The following PCCA variants were observed in gnomAD, a reference collection of about 807,000 sequenced individuals.
The protein encoded by PCCA is propionyl-CoA carboxylase subunit alpha.
In PCCA, 74 loss-of-function variants were observed where a neutral mutation model predicts 101.3. The observed-to-expected ratio is 0.73, with a 90% confidence interval of 0.61 to 0.89. The LOEUF (loss-of-function observed/expected upper bound fraction) is 0.89. Among genes scored for constraint, PCCA ranks in the 40% least tolerant of loss-of-function variants. The pLI is 0.00. For synonymous variants in PCCA, 294 were observed against 313.6 expected, an observed-to-expected ratio of 0.94 and a Z score of 0.66; for missense variants, 891 against 907.0, an observed-to-expected ratio of 0.98 and a Z score of 0.23.
At chr13:100,446,413 C>A (rs908902644) in intron 20 of PCCA, among the ~76,000 whole-genome samples, 2 of 152,194 alleles carry the variant, frequency 1.3e-5, no homozygotes, top group African/African-American at 4.8e-5. Flanking sequence ...CTCATTTAGT[C>A]GGTCTGTCCT....
At chr13:100,160,222 G>A (rs1436801804) in intron 6 of PCCA, among the ~76,000 whole-genome samples, 1 of 152,118 alleles carries the variant, frequency 6.6e-6, no homozygotes, top group Non-Finnish European at 1.5e-5. Context: ...GATCATGTGG[G>A]CCGGGCGCGG....
intron 7 of PCCA, among the ~76,000 whole-genome samples, chr13:100,215,419 T>C (rs958656661): frequency 3.9e-5 from 6 of 152,194 alleles, no homozygotes; most frequent in Non-Finnish European, 8.8e-5. Flanking sequence ...AAAACATATG[T>C]TCTATGTTGA....
chr13:100,525,891 C>T (rs983540067), intron 22 of PCCA, among the ~76,000 whole-genome samples: 2 of 152,214 alleles, frequency 1.3e-5, no homozygotes, highest in African/African-American at 2.4e-5. Flanking sequence ...GTGCCCAGAG[C>T]GGGAGAGTGG....
intron 20 of PCCA, among the ~76,000 whole-genome samples, chr13:100,434,286 G>T (rs1453336976): frequency 6.6e-6 from 1 of 152,160 alleles, no homozygotes; most frequent in Non-Finnish European, 1.5e-5. Context: ...AATGAGGGGT[G>T]AGAGACAGGA....
chr13:100,494,517 C>T (rs1266822303), intron 21 of PCCA, among the ~76,000 whole-genome samples: 2 of 151,470 alleles, frequency 1.3e-5, no homozygotes, highest in Non-Finnish European at 2.9e-5. Context: ...AACCCTGCCT[C>T]TACTGAAAAT....
intron 19 of PCCA, 146 bp from the exon 20 acceptor site, chr13:100,425,487 C>T: frequency 1.4e-6 from 1 of 707,160 alleles, no homozygotes; most frequent in Non-Finnish European, 2.6e-6. Flanking sequence ...TTGTTGGACC[C>T]TGTCTTTCTT....
chr13:100,294,185 C>T (rs1319061419), intron 12 of PCCA, among the ~76,000 whole-genome samples: 1 of 152,094 alleles, frequency 6.6e-6, no homozygotes, highest in Non-Finnish European at 1.5e-5. Context: ...TTGTCTGGGT[C>T]CTGATCTTCT....
intron 1 of PCCA, 103 bp downstream of exon 1, chr13:100,089,328 C>A: frequency 2.3e-6 from 3 of 1,310,446 alleles, no homozygotes; most frequent in Non-Finnish European, 2.9e-6. Context: ...GTCCGGCTGC[C>A]CCCGCGCCCC....
chr13:100,193,248 G>A (rs888138024), intron 6 of PCCA, among the ~76,000 whole-genome samples: 5 of 152,160 alleles, frequency 3.3e-5, no homozygotes, highest in Non-Finnish European at 5.9e-5. Context: ...ATGACTGTGG[G>A]TAATTTATTT....
Position 100,408,544 on chromosome 13 carries a change from GA to G in PCCA, c.1747-17088del, listed in dbSNP as rs146997307. On this transcript the variant is annotated intron_variant, in intron 19 of 23. Coordinates refer to ENST00000376285, the MANE Select transcript of PCCA (RefSeq NM_000282.4). The stretch of plus-strand genomic sequence containing the variant: ...CAAATTAATTAGAGCTCTTTTTACA[GA>G]TACCACACACAGTATATACACAGAC... 5.3e-5 allele frequency among the ~76,000 whole-genome samples: 8 copies of G among 152,258 alleles called. 1 individual carries two copies. The highest frequency in any genetic ancestry group is 1.7e-4 in the African/African-American group (7 of 41,526).
intron 20 of PCCA, among the ~76,000 whole-genome samples, chr13:100,446,799 A>C (rs33945207): frequency 0.22 from 33,337 of 152,204 alleles, 4,793 homozygotes; most frequent in East Asian, 0.54. Flanking sequence ...CCTAGAAATA[A>C]GTTTTATGTG....
intron 21 of PCCA, among the ~76,000 whole-genome samples, chr13:100,481,362 A>G (rs2083910581): frequency 6.6e-6 from 1 of 152,170 alleles, no homozygotes; most frequent in Non-Finnish European, 1.5e-5. Flanking sequence ...GTTTGAGACT[A>G]GCCTGGGCAA....
At chr13:100,320,530 C>A (rs1217328753) in intron 16 of PCCA, among the ~76,000 whole-genome samples, 2 of 152,108 alleles carry the variant, frequency 1.3e-5, no homozygotes, top group Admixed American at 1.3e-4. Context: ...AGTTTTTAGC[C>A]TGAAGGGCTG....
rs74116314 is a variant in PCCA, at chr13:100,142,921, C to T, written c.301-12058C>T. On this transcript the variant is annotated intron_variant, in intron 4 of 23. Coordinates refer to ENST00000376285, the MANE Select transcript of PCCA (RefSeq NM_000282.4). ...TCAGGCTCCCTGTGTATGACAGTGC[C>T]GCTGGAGATGGGTCATTCTTCGACT... Among the ~76,000 whole-genome samples, 1,180 of 152,248 alleles carry T rather than the reference C, an allele frequency of 7.8e-3. 14 individuals are homozygous for T. Among genetic ancestry groups the T allele is most frequent in the African/African-American group, 0.027 (1,123 of 41,544 alleles).
chr13:100,167,006 C>G (rs2055114387), intron 6 of PCCA, among the ~76,000 whole-genome samples: 1 of 152,022 alleles, frequency 6.6e-6, no homozygotes, highest in Non-Finnish European at 1.5e-5. Flanking sequence ...TGCTTTATAT[C>G]TTTGTCGATG....
intron 6 of PCCA, among the ~76,000 whole-genome samples, chr13:100,205,377 C>T (rs539340604): frequency 2.0e-5 from 3 of 152,214 alleles, no homozygotes; most frequent in African/African-American, 4.8e-5. Context: ...TCTCATTTTG[C>T]TTTAATTACT....
At chr13:100,507,882 T>G (rs1022809835) in intron 21 of PCCA, among the ~76,000 whole-genome samples, 5 of 152,056 alleles carry the variant, frequency 3.3e-5, no homozygotes, top group Non-Finnish European at 7.3e-5. Flanking sequence ...GTTCTTGAAC[T>G]CCTGACCTCA....
At chr13:100,493,965 C>T (rs1171783706) in intron 21 of PCCA, among the ~76,000 whole-genome samples, 1 of 151,190 alleles carries the variant, frequency 6.6e-6, no homozygotes, top group Non-Finnish European at 1.5e-5. Context: ...CCGAGGTGGG[C>T]AGATTACGAG....
intron 23 of PCCA, 133 bp from the exon 24 acceptor site, chr13:100,529,964 GT>G: frequency 1.3e-6 from 1 of 745,958 alleles, no homozygotes; most frequent in East Asian, 2.7e-5. Flanking sequence ...CTCCGGTGGG[GT>G]GGGGTGGCTT....
Sources: allele counts gnomAD v4.1 joint callset (sites outside exome capture counted in the v4.1 genomes callset), GRCh38; gene constraint gnomAD v4.1.1; transcripts MANE v1.5; gene names NCBI Gene and HGNC (gene_info 2026-07-23, HGNC 2026-07-21).